Variants in EIF3L observed in about 807,000 individuals in gnomAD.
EIF3L encodes eukaryotic translation initiation factor 3 subunit L.
Under a neutral mutation model 74.6 loss-of-function variants are expected in EIF3L, and 32 were observed. The observed-to-expected ratio is 0.43, with a 90% CI of 0.32 to 0.58. The LOEUF (loss-of-function observed/expected upper bound fraction) is 0.58, where lower values mean the gene tolerates loss of function less well. Ranked by LOEUF, EIF3L falls within the 20% of genes least tolerant of loss-of-function variation. The probability of loss-of-function intolerance (pLI) is 0.06; values close to 1 mark genes in which losing one functional copy is unlikely to be tolerated. For synonymous variants in EIF3L, 256 were observed against 254.4 expected, an observed-to-expected ratio of 1.01 and a Z score of -0.06; for missense variants, 474 against 707.8, an observed-to-expected ratio of 0.67 and a Z score of 3.75.
At chr22:37,852,455 G>A (rs1388408540) in intron 3 of EIF3L, among the ~76,000 whole-genome samples, 1 of 152,172 alleles carries the variant, frequency 6.6e-6, no homozygotes, top group Non-Finnish European at 1.5e-5. Flanking sequence ...TTGAGGGGCT[G>A]CCGTTGTGTA....
intron 4 of EIF3L, among the ~76,000 whole-genome samples, chr22:37,857,741 C>T (rs955088306): frequency 6.6e-6 from 1 of 151,920 alleles, no homozygotes; most frequent in Non-Finnish European, 1.5e-5. Context: ...ACCATCTTGG[C>T]CAGGCTGATT....
chr22:37,878,353 G>A (rs1926862937), intron 11 of EIF3L, 182 bp downstream of exon 11: 1 of 704,314 alleles, frequency 1.4e-6, no homozygotes, highest in African/African-American at 1.8e-5. Flanking sequence ...GCTGGGGTGG[G>A]AGGATCACTC....
At chr22:37,851,550 C>G (rs1303739408) in intron 3 of EIF3L, 60 bp downstream of exon 3, 3 of 1,316,948 alleles carry the variant, frequency 2.3e-6, no homozygotes, top group Non-Finnish European at 2.1e-6. Flanking sequence ...TAATATAGTT[C>G]CTACAAATGA....
chr22:37,868,109 GATT>G (rs1235181021), intron 7 of EIF3L, among the ~76,000 whole-genome samples: 2 of 128,718 alleles, frequency 1.6e-5, no homozygotes, highest in Admixed American at 8.5e-5. Context: ...TTCTTTGTAG[GATT>G]TTTTTTTTTT....
chr22:37,872,161 C>T (rs927945725), intron 8 of EIF3L, among the ~76,000 whole-genome samples: 9 of 151,572 alleles, frequency 5.9e-5, no homozygotes, highest in African/African-American at 1.9e-4. Context: ...CTCTGTTGCT[C>T]AGGCAGAGTG....
chr22:37,877,132 A>T (rs1016532365), intron 10 of EIF3L: 1 of 154,712 alleles, frequency 6.5e-6, no homozygotes, highest in African/African-American at 2.4e-5. Flanking sequence ...TACATGGTAT[A>T]GCCTATGGCT....
chr22:37,876,436 G>C (rs1178402618), intron 10 of EIF3L: 1 of 153,730 alleles, frequency 6.5e-6, no homozygotes, highest in East Asian at 1.9e-4. Flanking sequence ...GAGTAGCTGG[G>C]ACTACAGACG....
At chr22:37,872,578 C>T (rs1166773548) in intron 8 of EIF3L, among the ~76,000 whole-genome samples, 2 of 152,136 alleles carry the variant, frequency 1.3e-5, no homozygotes, top group South Asian at 2.1e-4. Flanking sequence ...CTTGTAGTGG[C>T]AGATACAAGT....
At chr22:37,876,799 T>C (rs983649496) in intron 10 of EIF3L, 9 of 152,098 alleles carry the variant, frequency 5.9e-5, no homozygotes, top group Admixed American at 1.3e-4. Context: ...TGATATAAGG[T>C]GTGGATATTG....
At chr22:37,868,469 C>T (rs956444948) in intron 7 of EIF3L, among the ~76,000 whole-genome samples, 10 of 148,502 alleles carry the variant, frequency 6.7e-5, no homozygotes, top group Non-Finnish European at 1.2e-4. Context: ...TTTTTTCCCC[C>T]CTAAGGCGGA....
intron 5 of EIF3L, among the ~76,000 whole-genome samples, chr22:37,862,576 A>C (rs1202807094): frequency 2.0e-5 from 3 of 152,228 alleles, no homozygotes; most frequent in African/African-American, 7.2e-5. Flanking sequence ...GGAAGACTGC[A>C]ACATTCCTGG....
intron 6 of EIF3L, 55 bp from the exon 7 acceptor site, chr22:37,863,217 C>T: frequency 6.7e-7 from 1 of 1,482,672 alleles, no homozygotes; most frequent in Non-Finnish European, 9.3e-7. Flanking sequence ...CTGCAGCCTA[C>T]AGAATGGGCA....
intron 11 of EIF3L, chr22:37,885,839 T>G (rs1174721243): frequency 2.0e-5 from 3 of 151,450 alleles, no homozygotes; most frequent in African/African-American, 7.3e-5. Context: ...CCCAAAGTGC[T>G]GGGATTACAG....
At chr22:37,855,924 C>G (rs1406433080) in intron 4 of EIF3L, among the ~76,000 whole-genome samples, 2 of 152,144 alleles carry the variant, frequency 1.3e-5, no homozygotes, top group Non-Finnish European at 2.9e-5. Flanking sequence ...AATAAGCTCT[C>G]TAGCTTCCCA....
chr22:37,858,812 AC>A, intron 5 of EIF3L, 72 bp downstream of exon 5: 2 of 1,350,130 alleles, frequency 1.5e-6, no homozygotes, highest in South Asian at 2.6e-5. Flanking sequence ...TGTCCCTAGA[AC>A]ACAGTCATTT....
At chr22:37,865,514 C>T (rs932736646) in intron 7 of EIF3L, among the ~76,000 whole-genome samples, 1 of 152,006 alleles carries the variant, frequency 6.6e-6, no homozygotes, top group Non-Finnish European at 1.5e-5. Flanking sequence ...AATTCTTTTC[C>T]CCCTTTTTGT....
At chr22:37,864,605 C>A (rs1392772126) in intron 7 of EIF3L, among the ~76,000 whole-genome samples, 1 of 149,788 alleles carries the variant, frequency 6.7e-6, no homozygotes, top group South Asian at 2.1e-4. Flanking sequence ...GTGGCATTAT[C>A]CCGGCTCACT....
intron 8 of EIF3L, 40 bp from the exon 9 acceptor site, chr22:37,874,330 C>T: frequency 6.3e-7 from 1 of 1,595,236 alleles, no homozygotes; most frequent in Non-Finnish European, 8.6e-7. Flanking sequence ...CCTGCCTTTA[C>T]CTGCCTCCTA....
At chr22:37,863,723 C>A (rs1271644326) in intron 7 of EIF3L, among the ~76,000 whole-genome samples, 2 of 152,074 alleles carry the variant, frequency 1.3e-5, no homozygotes, top group Non-Finnish European at 2.9e-5. Context: ...CAGAGCCTCA[C>A]TTTCTTTACC....
Sources: gnomAD v4.1 joint callset for allele counts (sites outside exome capture counted in the v4.1 genomes callset) on GRCh38, gnomAD v4.1.1 for gene constraint, MANE v1.5 for transcripts, NCBI Gene and HGNC (gene_info 2026-07-23, HGNC 2026-07-21) for gene names.